Variants in MTR observed in about 807,000 individuals in gnomAD.
MTR encodes the protein 5-methyltetrahydrofolate-homocysteine methyltransferase.
A neutral mutation model predicts 154.8 loss-of-function variants in MTR; 84 were observed. That is an observed-to-expected ratio of 0.54 (90% confidence interval 0.45 to 0.65). The LOEUF (loss-of-function observed/expected upper bound fraction) is 0.65. Ranked by LOEUF, MTR falls within the 30% of genes least tolerant of loss-of-function variation. The pLI is 0.00. For missense variants in MTR, 1,275 were observed against 1,570.2 expected (o/e 0.81, Z 3.18); for synonymous variants, 554 against 553.9 (o/e 1.00, Z 0.00).
rs1241812787 is a variant in MTR, at chr1:236,863,450, C to T, written c.2305-4C>T. ...CTTGCTGAGCTGCTTGGCTTCCTTTCCAGGACCCTTACCAGGGCACCATCG... is the reference window on the plus strand; with the variant it reads ...CTTGCTGAGCTGCTTGGCTTCCTTTTCAGGACCCTTACCAGGGCACCATCG... On this transcript the variant is annotated splice_polypyrimidine_tract_variant and splice_region_variant and intron_variant, in intron 21 of 32. Coordinates refer to ENST00000366577, the MANE Select transcript of MTR (RefSeq NM_000254.3). 1 of 1,613,628 alleles carries T rather than the reference C, an allele frequency of 6.2e-7. No homozygotes were observed. The highest frequency in any genetic ancestry group is 2.2e-5 in the East Asian group (1 of 44,876).
intron 8 of MTR, among the ~76,000 whole-genome samples, chr1:236,822,677 G>T (rs1662037488): frequency 6.6e-6 from 1 of 152,116 alleles, no homozygotes; most frequent in South Asian, 2.1e-4. Flanking sequence ...GTTTTGTATA[G>T]TTACCTTGTA....
intron 6 of MTR, among the ~76,000 whole-genome samples, chr1:236,815,272 C>T (rs1341751072): frequency 2.6e-5 from 4 of 152,172 alleles, no homozygotes; most frequent in East Asian, 1.9e-4. Flanking sequence ...CTCAGGCAGT[C>T]GTCCTGTCTC....
chr1:236,874,721 A>AT lies in MTR; in HGVS notation c.2474-5_2474-4insT. 6.4e-7 allele frequency: 1 copy of AT among 1,569,994 alleles called. No individual in the cohort carries two copies. Among genetic ancestry groups the AT allele is most frequent in the Non-Finnish European group, 8.6e-7 (1 of 1,160,854 alleles). ...TCCTTTTTTTTTTAAAAAAAAAAAA[A>AT]ATAGATATAATTGGCCTGTCAGGAC... is the stretch of plus-strand genomic sequence containing the variant. On this transcript the variant is annotated splice_polypyrimidine_tract_variant and splice_region_variant and intron_variant, in intron 23 of 32. Transcript: ENST00000366577.
chr1:236,801,255 G>A (rs1660685385), intron 1 of MTR, among the ~76,000 whole-genome samples: 1 of 152,156 alleles, frequency 6.6e-6, no homozygotes, highest in South Asian at 2.1e-4. Flanking sequence ...ATCAGGAAGT[G>A]TTTTATCTCA....
At chr1:236,803,235 A>T (rs1660790208) in intron 1 of MTR, among the ~76,000 whole-genome samples, 193 bp from the exon 2 acceptor site, 1 of 152,130 alleles carries the variant, frequency 6.6e-6, no homozygotes, top group South Asian at 2.1e-4. Context: ...TGCTGTGTGC[A>T]ATCTTGTATT....
chr1:236,891,211 G>T lies in MTR; in HGVS notation c.3086G>T (p.Arg1029Leu), dbSNP rs768739478. The stretch of plus-strand genomic sequence containing the variant: ...ATTAGTCAAAAGAAACTCCGGGCCC[G>T]GGGTGTGGTTGGGTTCTGGCCAGCA... ...TLISQKKLRA[R>L]GVVGFWPAQS... is the part of the protein sequence containing the mutation. Residue 1029 changes from arginine (R) to leucine (L), a missense_variant, in exon 29 of 33, where the codon CGG (arginine) becomes CTG (leucine). By Grantham distance (102) the Arg-to-Leu change is moderately radical. Transcript: ENST00000366577. 1.2e-6 allele frequency: 2 copies of T among 1,614,126 alleles called. No individual in the cohort carries two copies. Among genetic ancestry groups the T allele is most frequent in the Non-Finnish European group, 1.7e-6 (2 of 1,180,020 alleles).
intron 11 of MTR, among the ~76,000 whole-genome samples, chr1:236,827,664 A>G (rs546122440): frequency 1.6e-4 from 24 of 152,176 alleles, no homozygotes; most frequent in Non-Finnish European, 2.6e-4. Flanking sequence ...GTGTCTTCAC[A>G]TTGCCTGGTA....
At chr1:236,886,094 G>A (rs1459328319) in intron 26 of MTR, among the ~76,000 whole-genome samples, 198 bp from the exon 27 acceptor site, 1 of 151,312 alleles carries the variant, frequency 6.6e-6, no homozygotes, top group Non-Finnish European at 1.5e-5. Context: ...TGCTTATTAA[G>A]TCTTTACTAT....
intron 4 of MTR, among the ~76,000 whole-genome samples, 171 bp downstream of exon 4, chr1:236,808,944 G>A (rs1246432133): frequency 1.3e-5 from 2 of 152,194 alleles, no homozygotes; most frequent in Non-Finnish European, 2.9e-5. Context: ...TCATAATCAA[G>A]CACTCAACAT....
In MTR at chr1:236,874,721, A is replaced by AG; in HGVS notation, c.2474-5_2474-4insG. The AG allele has an allele frequency of 1.3e-6, 2 of 1,569,994 alleles. No individual in the cohort carries two copies. The highest frequency in any genetic ancestry group is 1.7e-6 in the Non-Finnish European group (2 of 1,160,854). ...TCCTTTTTTTTTTAAAAAAAAAAAA[A>AG]ATAGATATAATTGGCCTGTCAGGAC... On this transcript the variant is annotated splice_polypyrimidine_tract_variant and splice_region_variant and intron_variant, in intron 23 of 32. Transcript: ENST00000366577.
chr1:236,833,275 C>T (rs1806505), intron 13 of MTR, among the ~76,000 whole-genome samples: 52,776 of 152,002 alleles, frequency 0.35, 9,974 homozygotes, highest in Non-Finnish European at 0.41. Context: ...TATGGTGTCC[C>T]TTTGGTGGAT....
At chr1:236,871,018 C>T (rs924507583) in intron 22 of MTR, among the ~76,000 whole-genome samples, 1 of 152,162 alleles carries the variant, frequency 6.6e-6, no homozygotes, top group African/African-American at 2.4e-5. Context: ...TTCTCTACCC[C>T]GGACTTGTTT....
In MTR at chr1:236,803,535, G is replaced by A. The variant is rs769395060; in HGVS notation, c.142G>A (p.Glu48Lys). ...GTMIQREKLN[E>K]EHFRGQEFKD... ...CATGATCCAGCGGGAGAAGCTAAAC[G>A]AAGAACACTTCCGAGGTCAGGAATT... is the stretch of plus-strand genomic sequence containing the variant. The change falls in exon 2 of 33, where the codon GAA becomes AAA. Residue 48 changes from glutamate to lysine, a missense_variant. Physicochemically the swap from Glu to Lys is moderately conservative, Grantham distance 56. Transcript: ENST00000366577. 11 of 1,614,064 alleles carry A rather than the reference G, an allele frequency of 6.8e-6. No homozygotes were observed. The highest frequency in any genetic ancestry group is 2.2e-5 in the East Asian group (1 of 44,896).
In MTR at chr1:236,897,006, G is replaced by C. The variant is rs1425355700; in HGVS notation, c.3599G>C (p.Gly1200Ala). The C allele has an allele frequency of 6.2e-7, 1 of 1,611,044 alleles. No homozygotes were observed. The highest frequency in any genetic ancestry group is 1.3e-5 in the African/African-American group (1 of 74,852). ...WRLADIEQST[G>A]IRLTESLAMA... Reference sequence around the variant, plus strand: ...ATTTTCCCTGTGTTGCTCCCTCTAGGCATTAGGTTAACAGAATCATTAGCA... The same window carrying C: ...ATTTTCCCTGTGTTGCTCCCTCTAGCCATTAGGTTAACAGAATCATTAGCA... The change falls in exon 32 of 33, where the codon GGC becomes GCC. Residue 1200 changes from glycine to alanine, a missense_variant and splice_region_variant. Gly to Ala is a moderately conservative substitution (Grantham distance 60). Coordinates refer to ENST00000366577, the MANE Select transcript of MTR (RefSeq NM_000254.3).
chr1:236,894,714 T>C, intron 30 of MTR, 157 bp downstream of exon 30: 1 of 682,248 alleles, frequency 1.5e-6, no homozygotes, highest in Non-Finnish European at 2.4e-6. Context: ...ATACGTATTT[T>C]AATATTATGT....
At chr1:236,890,356 T>C (rs1666247618) in intron 28 of MTR, among the ~76,000 whole-genome samples, 1 of 152,054 alleles carries the variant, frequency 6.6e-6, no homozygotes, top group African/African-American at 2.4e-5. Context: ...GGAGGCTGGC[T>C]CCCACTGCAG....
intron 25 of MTR, among the ~76,000 whole-genome samples, chr1:236,882,514 A>AG (rs1665800619): frequency 1.5e-5 from 1 of 64,732 alleles, no homozygotes; most frequent in Non-Finnish European, 4.2e-5. Context: ...CCTCAGCCTC[A>AG]CAAGTAGCTG....
intron 29 of MTR, among the ~76,000 whole-genome samples, chr1:236,892,173 T>C (rs1666364330): frequency 6.6e-6 from 1 of 152,152 alleles, no homozygotes; most frequent in South Asian, 2.1e-4. Context: ...TTTCAGTCGT[T>C]CAGAAATAAT....
At chr1:236,895,675 G>A (rs1342347242) in intron 31 of MTR, 125 bp downstream of exon 31, 2 of 973,904 alleles carry the variant, frequency 2.1e-6, no homozygotes, top group East Asian at 2.7e-5. Context: ...TGTCCCTTAT[G>A]CTGTCCTTTT....
Sources: allele counts gnomAD v4.1 joint callset (sites outside exome capture counted in the v4.1 genomes callset), GRCh38; gene constraint gnomAD v4.1.1; transcripts MANE v1.5; gene names NCBI Gene and HGNC (gene_info 2026-07-23, HGNC 2026-07-21).